Variants in RPGRIP1L observed in about 807,000 individuals in gnomAD.
The protein encoded by RPGRIP1L is RPGRIP1 like.
In RPGRIP1L, 131 loss-of-function variants were observed where a neutral mutation model predicts 160.4. That is an observed-to-expected ratio of 0.82 (90% confidence interval 0.71 to 0.94). RPGRIP1L has a LOEUF of 0.94. RPGRIP1L is among the 40% of genes least tolerant of loss of function. The probability of loss-of-function intolerance (pLI) is 0.00; values close to 1 mark genes in which losing one functional copy is unlikely to be tolerated. For synonymous variants in RPGRIP1L, 510 were observed against 515.8 expected, an observed-to-expected ratio of 0.99 and a Z score of 0.15; for missense variants, 1,522 against 1,535.8, an observed-to-expected ratio of 0.99 and a Z score of 0.15.
intron 22 of RPGRIP1L, among the ~76,000 whole-genome samples, chr16:53,632,501 G>T (rs766893245): frequency 2.8e-4 from 42 of 152,086 alleles, no homozygotes; most frequent in Non-Finnish European, 5.1e-4. Context: ...TGTATTCGTG[G>T]ATCTATTCCC....
At chr16:53,669,570 C>T (rs904277697) in intron 9 of RPGRIP1L, among the ~76,000 whole-genome samples, 2 of 151,624 alleles carry the variant, frequency 1.3e-5, no homozygotes, top group South Asian at 2.1e-4. Flanking sequence ...CTCAAAATTT[C>T]GTTTATACAT....
At chr16:53,625,790 T>C (rs953188364) in intron 22 of RPGRIP1L, among the ~76,000 whole-genome samples, 6 of 152,204 alleles carry the variant, frequency 3.9e-5, no homozygotes, top group African/African-American at 1.4e-4. Flanking sequence ...CATTTTGTTC[T>C]GTACTAAGAA....
In RPGRIP1L at chr16:53,687,931, A is replaced by G; in HGVS notation, c.564T>C (p.Thr188=). 1.2e-6 allele frequency: 2 copies of G among 1,610,656 alleles called. No homozygotes were observed. Among genetic ancestry groups the G allele is most frequent in the Non-Finnish European group, 1.7e-6 (2 of 1,177,198 alleles). The change falls in exon 5 of 27, where the codon ACT becomes ACC. Residue 188 remains threonine, a synonymous_variant. Transcript: ENST00000647211. ...CATATTTTGTAAACATGGGATGTGGAGTTTCTGCTACATCTGCATCTTGGA... is the reference window on the plus strand; with the variant it reads ...CATATTTTGTAAACATGGGATGTGGGGTTTCTGCTACATCTGCATCTTGGA... ...IKFQDADVAE[T]PHPMFTKYGN...
chr16:53,620,653 T>C (rs1964649395), intron 23 of RPGRIP1L, among the ~76,000 whole-genome samples: 1 of 152,176 alleles, frequency 6.6e-6, no homozygotes. Context: ...CATATTCAAA[T>C]TTGAAAAGAA....
intron 19 of RPGRIP1L, 131 bp downstream of exon 19, chr16:53,640,898 GCAAT>G (rs1217790695): frequency 1.3e-6 from 1 of 745,104 alleles, no homozygotes; most frequent in Non-Finnish European, 2.3e-6. Context: ...GAAACACAAA[GCAAT>G]CACTTTAATG....
intron 16 of RPGRIP1L, among the ~76,000 whole-genome samples, chr16:53,647,092 A>G (rs1434036289): frequency 6.6e-6 from 1 of 152,134 alleles, no homozygotes; most frequent in Non-Finnish European, 1.5e-5. Flanking sequence ...AAACTACAAA[A>G]CCAAACAATG....
At chr16:53,647,482 A>G (rs1966636752) in intron 16 of RPGRIP1L, among the ~76,000 whole-genome samples, 1 of 152,212 alleles carries the variant, frequency 6.6e-6, no homozygotes, top group Non-Finnish European at 1.5e-5. Context: ...AACATGGTAG[A>G]TGATGGCTGC....
At chr16:53,671,625 A>G in intron 8 of RPGRIP1L, 42 bp from the exon 9 acceptor site, 3 of 1,042,324 alleles carry the variant, frequency 2.9e-6, no homozygotes, top group Non-Finnish European at 4.3e-6. Context: ...AATATTATAT[A>G]AAACCACTTG....
intron 6 of RPGRIP1L, among the ~76,000 whole-genome samples, chr16:53,677,800 A>C (rs1428046000): frequency 6.6e-6 from 1 of 152,180 alleles, no homozygotes; most frequent in African/African-American, 2.4e-5. Context: ...TGAAGAATAG[A>C]CTTAGGGCTA....
At chr16:53,656,171 G>C (rs904590223) in intron 14 of RPGRIP1L, among the ~76,000 whole-genome samples, 1 of 152,132 alleles carries the variant, frequency 6.6e-6, no homozygotes, top group Non-Finnish European at 1.5e-5. Context: ...GAGTAGAAAA[G>C]AATCAAGGCT....
intron 9 of RPGRIP1L, among the ~76,000 whole-genome samples, chr16:53,668,202 A>G (rs1398596339): frequency 6.6e-6 from 1 of 152,146 alleles, no homozygotes; most frequent in African/African-American, 2.4e-5. Flanking sequence ...GGGAAGCATA[A>G]GCTGCTCATA....
intron 24 of RPGRIP1L, among the ~76,000 whole-genome samples, chr16:53,613,976 C>G (rs1964209152): frequency 1.3e-5 from 2 of 152,202 alleles, no homozygotes; most frequent in African/African-American, 2.4e-5. Context: ...TCTTAACCTC[C>G]ATGTTACATA....
intron 9 of RPGRIP1L, among the ~76,000 whole-genome samples, chr16:53,667,348 G>A (rs1968354741): frequency 6.6e-6 from 1 of 152,164 alleles, no homozygotes; most frequent in African/African-American, 2.4e-5. Flanking sequence ...TGCTTCCTAA[G>A]ATCTTTCCTT....
Position 53,637,708 on chromosome 16 carries a change from G to C in RPGRIP1L, c.3207C>G (p.Asp1069Glu), listed in dbSNP as rs1567820062. ...TAAGAAAGTCACCTTCTGGTTCCAA[G>C]TCCTCTGTTATTTCTGTTTCATCTT... ...SSEDETEITE[D>E]LEPEVEEDMS... Residue 1069 changes from aspartate (D) to glutamate (E), a missense_variant, in exon 21 of 27, where the codon GAC becomes GAG. Asp to Glu is a conservative substitution (Grantham distance 45, BLOSUM62 2). Transcript: ENST00000647211. The C allele has an allele frequency of 2.5e-6, 4 of 1,609,476 alleles. No homozygotes were observed. Among genetic ancestry groups the C allele is most frequent in the Non-Finnish European group, 3.4e-6 (4 of 1,179,696 alleles).
chr16:53,626,063 T>G (rs1215698134), intron 22 of RPGRIP1L, among the ~76,000 whole-genome samples: 1 of 150,386 alleles, frequency 6.6e-6, no homozygotes, highest in Admixed American at 6.7e-5. Context: ...CGGGTTTATC[T>G]GCTGACCTTC....
intron 16 of RPGRIP1L, among the ~76,000 whole-genome samples, chr16:53,648,410 T>C (rs1966708532): frequency 6.6e-6 from 1 of 152,204 alleles, no homozygotes; most frequent in African/African-American, 2.4e-5. Flanking sequence ...GTTTATTTCC[T>C]TAACAGTAGA....
chr16:53,662,774 G>A (rs1340447491), intron 10 of RPGRIP1L, among the ~76,000 whole-genome samples: 13 of 151,980 alleles, frequency 8.6e-5, no homozygotes, highest in Non-Finnish European at 2.9e-5. Flanking sequence ...AAAATAACTG[G>A]AAAGTAATAG....
intron 2 of RPGRIP1L, among the ~76,000 whole-genome samples, chr16:53,700,095 A>C (rs1208957978): frequency 6.6e-6 from 1 of 152,188 alleles, no homozygotes; most frequent in Non-Finnish European, 1.5e-5. Flanking sequence ...TCTGTTCTAA[A>C]TTGTTCTTTA....
At position 53,686,306 on chromosome 16, in the gene RPGRIP1L, T is replaced by C. The variant is rs1970008352; in HGVS notation, c.776+127A>G. ...AGTTAGTAGGTCGAGCATAGGCTTA[T>C]ATGAAGAATGTTAAGTAAAAACATG... On this transcript the variant is annotated intron_variant, in intron 6 of 26. Transcript: ENST00000647211. The C allele has an allele frequency of 4.8e-6, 5 of 1,045,452 alleles. No homozygotes were observed. The Admixed American group carries it at 8.3e-5, about 17-fold the overall frequency. 64.8% of individuals were successfully genotyped at this position (1,045,452 alleles called of 1,614,324 possible). A position where few individuals can be genotyped will look rare whatever the true frequency, so the allele number is the denominator to read the frequency against.
Sources: gnomAD v4.1 joint callset for allele counts (sites outside exome capture counted in the v4.1 genomes callset) on GRCh38, gnomAD v4.1.1 for gene constraint, MANE v1.5 for transcripts, NCBI Gene and HGNC (gene_info 2026-07-23, HGNC 2026-07-21) for gene names.